The following ADAM22 variants were observed in gnomAD, a reference collection of about 807,000 sequenced individuals.
ADAM22 encodes ADAM metallopeptidase domain 22, also known as disintegrin and metalloproteinase domain-containing protein 22.
ADAM22 carries 65 observed loss-of-function variants against 144.6 expected under a neutral mutation model. That is an observed-to-expected ratio of 0.45 (90% CI 0.37 to 0.55). The LOEUF (loss-of-function observed/expected upper bound fraction) is 0.55. Ranked by LOEUF, ADAM22 falls within the 20% of genes least tolerant of loss-of-function variation. The probability of loss-of-function intolerance (pLI) is 0.00; values close to 1 mark genes in which losing one functional copy is unlikely to be tolerated. For missense variants in ADAM22, 974 were observed against 1,184.9 expected (o/e 0.82, Z 2.61); for synonymous variants, 391 against 412.6 (o/e 0.95, Z 0.63).
chr7:88,016,740 A>G lies in ADAM22; in HGVS notation c.323+38328A>G, dbSNP rs1233028877. ...GGAGCTAAAAAAAGTTGAGCTCATA[A>G]AAGTAGAGAGGATAATTGTGGTTGA... is the stretch of plus-strand genomic sequence containing the variant. On this transcript the variant is annotated intron_variant, in intron 3 of 31. Coordinates refer to ENST00000413139, the MANE Select transcript of ADAM22 (RefSeq NM_001324418.2). Among the ~76,000 whole-genome samples the G allele has an allele frequency of 2.0e-5, 3 of 152,280 alleles. No homozygotes were observed. The East Asian group carries it at 5.8e-4, about 29-fold the overall frequency.
At chr7:88,108,006 T>A (rs1037411712) in intron 4 of ADAM22, among the ~76,000 whole-genome samples, 170 bp from the exon 5 acceptor site, 1 of 152,142 alleles carries the variant, frequency 6.6e-6, no homozygotes, top group East Asian at 1.9e-4. Context: ...TCACTCAGAG[T>A]GTTTATGAAT....
intron 3 of ADAM22, among the ~76,000 whole-genome samples, chr7:88,008,756 G>C (rs1246574319): frequency 6.6e-6 from 1 of 151,866 alleles, no homozygotes; most frequent in Non-Finnish European, 1.5e-5. Flanking sequence ...GTTGTGGGGT[G>C]GGGGTAGGGG....
chr7:87,982,311 A>C (rs2129449672), intron 3 of ADAM22, among the ~76,000 whole-genome samples: 1 of 152,106 alleles, frequency 6.6e-6, no homozygotes, highest in Middle Eastern at 3.4e-3. Flanking sequence ...TGTGAGGATG[A>C]AAATAGCACA....
chr7:88,173,333 T>G (rs1844817041), intron 26 of ADAM22, among the ~76,000 whole-genome samples: 2 of 152,176 alleles, frequency 1.3e-5, no homozygotes, highest in South Asian at 4.1e-4. Context: ...TTTTGAGAGT[T>G]GTCACATCTT....
chr7:87,938,150 T>G (rs1841688181), intron 2 of ADAM22, among the ~76,000 whole-genome samples: 1 of 152,118 alleles, frequency 6.6e-6, no homozygotes, highest in South Asian at 2.1e-4. Context: ...GCCCTTGTTA[T>G]TTCTCTAATA....
At chr7:88,054,154 G>A (rs1807476019) in intron 3 of ADAM22, among the ~76,000 whole-genome samples, 1 of 151,436 alleles carries the variant, frequency 6.6e-6, no homozygotes, top group Non-Finnish European at 1.5e-5. Context: ...AAGTGGTGCT[G>A]TGATGTCATG....
At chr7:88,104,077 T>C (rs2129487034) in intron 4 of ADAM22, among the ~76,000 whole-genome samples, 1 of 152,276 alleles carries the variant, frequency 6.6e-6, no homozygotes, top group South Asian at 2.1e-4. Context: ...AGGATGTTTG[T>C]TGCAACATTA....
chr7:88,154,048 C>T (rs1277097395), intron 21 of ADAM22, among the ~76,000 whole-genome samples: 1 of 152,194 alleles, frequency 6.6e-6, no homozygotes. Flanking sequence ...GTGTGCTAAG[C>T]ACTGTATCAC....
At chr7:88,004,824 C>T (rs1275105765) in intron 3 of ADAM22, among the ~76,000 whole-genome samples, 1 of 152,016 alleles carries the variant, frequency 6.6e-6, no homozygotes, top group East Asian at 1.9e-4. Flanking sequence ...TGTATTTTGC[C>T]TCTCAGATTA....
chr7:88,032,109 A>G (rs1563066751), intron 3 of ADAM22, among the ~76,000 whole-genome samples: 1 of 152,172 alleles, frequency 6.6e-6, no homozygotes, highest in Non-Finnish European at 1.5e-5. Context: ...AGCCCCACAC[A>G]TTGGGGCACT....
intron 3 of ADAM22, among the ~76,000 whole-genome samples, chr7:88,009,169 A>T (rs1228575048): frequency 6.6e-6 from 1 of 152,150 alleles, no homozygotes; most frequent in African/African-American, 2.4e-5. Flanking sequence ...ATGATCTTAA[A>T]TACTCTGAAT....
intron 30 of ADAM22, among the ~76,000 whole-genome samples, chr7:88,189,684 G>A (rs773928788): frequency 2.0e-4 from 30 of 152,158 alleles, no homozygotes; most frequent in African/African-American, 6.0e-4. Context: ...AGTGGCTCAC[G>A]CCTGTAATCC....
In ADAM22 at chr7:88,165,997, GCT is replaced by G. The variant is rs774974840; in HGVS notation, c.2191+52_2191+53del. 1.5e-6 allele frequency: 2 copies of G among 1,349,636 alleles called. 1 individual carries two copies. The highest frequency in any genetic ancestry group is 3.7e-4 in the Middle Eastern group (2 of 5,350). 83.6% of individuals were successfully genotyped at this position (1,349,636 alleles called of 1,614,324 possible). The stretch of plus-strand genomic sequence containing the variant: ...TGTAGTCTTTATACACAAAGAGAAA[GCT>G]GCTCTCTGAAAACTTTTATTTGAGT... On this transcript the variant is annotated intron_variant, in intron 24 of 31. Transcript: ENST00000413139.
intron 2 of ADAM22, among the ~76,000 whole-genome samples, chr7:87,938,400 G>A (rs1304213246): frequency 1.3e-5 from 2 of 151,384 alleles, no homozygotes; most frequent in Non-Finnish European, 2.9e-5. Context: ...TGTATTCTTA[G>A]TAGAGACAGG....
At chr7:88,075,172 A>ACTTT (rs1191271278) in intron 3 of ADAM22, among the ~76,000 whole-genome samples, 2 of 152,202 alleles carry the variant, frequency 1.3e-5, no homozygotes, top group African/African-American at 4.8e-5. Context: ...ATTTCTTTTA[A>ACTTT]CTTTCTTTGC....
intron 3 of ADAM22, among the ~76,000 whole-genome samples, chr7:88,007,909 T>G (rs1199287390): frequency 1.3e-5 from 2 of 152,102 alleles, no homozygotes; most frequent in East Asian, 3.9e-4. Flanking sequence ...GGGATCTAAT[T>G]AAACTAAAGA....
At chr7:88,151,410 A>G in intron 20 of ADAM22, 90 bp downstream of exon 20, 10 of 1,417,310 alleles carry the variant, frequency 7.1e-6, no homozygotes, top group East Asian at 2.3e-5. Flanking sequence ...ATTTTTGACT[A>G]CTTTATGACT....
intron 21 of ADAM22, among the ~76,000 whole-genome samples, chr7:88,155,667 T>G (rs563698192): frequency 6.6e-5 from 10 of 152,242 alleles, no homozygotes; most frequent in African/African-American, 2.4e-4. Context: ...AAGAAAAAGC[T>G]AGAAAACAAT....
At chr7:88,192,513 A>G (rs1317852032) in intron 30 of ADAM22, among the ~76,000 whole-genome samples, 6 of 152,168 alleles carry the variant, frequency 3.9e-5, no homozygotes, top group African/African-American at 9.7e-5. Context: ...TGTTCTCATC[A>G]GACTTTGTTT....
Sources: gnomAD v4.1 joint callset for allele counts (sites outside exome capture counted in the v4.1 genomes callset) on GRCh38, gnomAD v4.1.1 for gene constraint, MANE v1.5 for transcripts, NCBI Gene and HGNC (gene_info 2026-07-23, HGNC 2026-07-21) for gene names.